Variants in RIMS1 observed in about 807,000 individuals in gnomAD.
RIMS1 encodes the protein regulating synaptic membrane exocytosis protein 1.
Under a neutral mutation model 214.1 loss-of-function variants are expected in RIMS1, and 83 were observed. The observed-to-expected ratio is 0.39, with a 90% CI of 0.32 to 0.47. The LOEUF (loss-of-function observed/expected upper bound fraction) is 0.47, where lower values mean the gene tolerates loss of function less well. Among genes scored for constraint, RIMS1 ranks in the 20% least tolerant of loss-of-function variants. The probability of loss-of-function intolerance (pLI) is 0.99; values close to 1 mark genes in which losing one functional copy is unlikely to be tolerated. For missense variants in RIMS1, 2,050 were observed against 2,161.8 expected, an observed-to-expected ratio of 0.95 and a Z score of 1.03; for synonymous variants, 793 against 786.8, an observed-to-expected ratio of 1.01 and a Z score of -0.13.
intron 27 of RIMS1, among the ~76,000 whole-genome samples, chr6:72,311,644 A>G (rs1261046148): frequency 6.6e-6 from 1 of 152,180 alleles, no homozygotes; most frequent in Non-Finnish European, 1.5e-5. Context: ...TATATCCTAT[A>G]TGTTGGGAAT....
chr6:72,300,076 C>T (rs999315756), intron 26 of RIMS1, among the ~76,000 whole-genome samples: 4 of 151,634 alleles, frequency 2.6e-5, no homozygotes, highest in African/African-American at 9.7e-5. Flanking sequence ...GTAATTTATC[C>T]ATCTCTTTTT....
chr6:72,122,626 G>A lies in RIMS1; in HGVS notation c.471+22640G>A, dbSNP rs993659483. 4.0e-5 allele frequency among the ~76,000 whole-genome samples: 6 copies of A among 151,672 alleles called. 1 individual carries two copies. Among genetic ancestry groups the A allele is most frequent in the Admixed American group, 2.6e-4 (4 of 15,194 alleles). ...GGTCCTGGACTTTTTTTGGTTTTTA[G>A]GGTATTAATTATTGCCTCAATTTCA... On this transcript the variant is annotated intron_variant, in intron 4 of 33. Transcript: ENST00000521978.
At chr6:72,254,108 C>T (rs2074715525) in intron 16 of RIMS1, among the ~76,000 whole-genome samples, 1 of 152,148 alleles carries the variant, frequency 6.6e-6, no homozygotes, top group Non-Finnish European at 1.5e-5. Flanking sequence ...TCATGATCCG[C>T]CCACCTCGGC....
At position 72,292,031 on chromosome 6, in the gene RIMS1, G is replaced by A. The variant is rs570683146; in HGVS notation, c.3835G>A (p.Gly1279Ser). The change falls in exon 26 of 34, where the codon GGC (glycine) becomes AGC (serine). Residue 1279 changes from glycine (G) to serine (S), a missense_variant. By Grantham distance (56) the Gly-to-Ser change is moderately conservative. Coordinates refer to ENST00000521978, the MANE Select transcript of RIMS1 (RefSeq NM_014989.7). ...GCTCCCACAAGTGCCAGTGAGAAGC[G>A]GCAGTATAGAACAAGGTATCCGATA... ...RQLPQVPVRS[G>S]SIEQASLVVE... 2.7e-5 allele frequency: 42 copies of A among 1,555,262 alleles called. No homozygotes were observed. Among genetic ancestry groups the A allele is most frequent in the Admixed American group, 2.5e-4 (13 of 51,414 alleles).
chr6:72,271,283 AAAAATATATATAT>A (rs202211872), intron 22 of RIMS1, among the ~76,000 whole-genome samples: 32,531 of 76,488 alleles, frequency 0.43, 4,289 homozygotes, highest in East Asian at 0.49. Flanking sequence ...AAAAAAAAAA[AAAAATATATATAT>A]ATATATATAT....
intron 2 of RIMS1, among the ~76,000 whole-genome samples, chr6:72,092,676 T>A (rs1305466895): frequency 6.6e-6 from 1 of 151,916 alleles, no homozygotes; most frequent in Non-Finnish European, 1.5e-5. Context: ...GAGTTTGGAG[T>A]GATGGCTGTG....
chr6:71,947,464 C>T (rs899712270), intron 1 of RIMS1, among the ~76,000 whole-genome samples: 7 of 151,866 alleles, frequency 4.6e-5, no homozygotes, highest in African/African-American at 1.2e-4. Context: ...AGACAAATAC[C>T]GCATGATTTC....
chr6:71,909,195 C>A (rs781327757), intron 1 of RIMS1, among the ~76,000 whole-genome samples: 1 of 152,202 alleles, frequency 6.6e-6, no homozygotes, highest in East Asian at 1.9e-4. Context: ...CGGGGTTTCA[C>A]CAGGTTGGCC....
At chr6:72,148,085 A>G (rs577957938) in intron 4 of RIMS1, among the ~76,000 whole-genome samples, 5 of 152,320 alleles carry the variant, frequency 3.3e-5, no homozygotes, top group African/African-American at 1.2e-4. Context: ...GTAATTTCTT[A>G]CCAGCTCATT....
chr6:72,040,447 T>A (rs1414305868), intron 2 of RIMS1, among the ~76,000 whole-genome samples: 3 of 152,038 alleles, frequency 2.0e-5, no homozygotes. Flanking sequence ...AATACTTTTA[T>A]TTTACAGATG....
intron 6 of RIMS1, among the ~76,000 whole-genome samples, chr6:72,184,295 G>C (rs1259693838): frequency 1.3e-5 from 2 of 152,158 alleles, no homozygotes; most frequent in African/African-American, 4.8e-5. Context: ...GATGTGTACC[G>C]CAGATTGAGG....
chr6:72,248,350 C>T (rs899570627), intron 12 of RIMS1, among the ~76,000 whole-genome samples: 1 of 152,090 alleles, frequency 6.6e-6, no homozygotes, highest in Non-Finnish European at 1.5e-5. Flanking sequence ...ATACTCTGAA[C>T]ATTAATTGAT....
intron 24 of RIMS1, among the ~76,000 whole-genome samples, chr6:72,287,927 A>C (rs1233430747): frequency 6.6e-6 from 1 of 152,214 alleles, no homozygotes; most frequent in Non-Finnish European, 1.5e-5. Context: ...TACATAATAG[A>C]GTAGGTATTT....
intron 6 of RIMS1, among the ~76,000 whole-genome samples, chr6:72,226,355 A>T (rs981545667): frequency 3.9e-5 from 6 of 152,074 alleles, no homozygotes; most frequent in Non-Finnish European, 4.4e-5. Context: ...GGAAGAATTA[A>T]TCTGATGACT....
At chr6:71,929,293 C>T (rs1157447702) in intron 1 of RIMS1, among the ~76,000 whole-genome samples, 1 of 152,088 alleles carries the variant, frequency 6.6e-6, no homozygotes, top group Non-Finnish European at 1.5e-5. Flanking sequence ...ATGACTAACA[C>T]TTTGGTAATT....
chr6:72,290,850 G>A lies in RIMS1; in HGVS notation c.3726G>A (p.Pro1242=), dbSNP rs201739376. The change falls in exon 25 of 34, where the codon CCG becomes CCA. Residue 1242 remains proline, a synonymous_variant. Transcript: ENST00000521978. ...CTGGAGGGTCGGCGCCACCTTCTCC[G>A]CTTCTGACAAGGTCGCTATTCAGTG... The part of the protein sequence containing the change: ...LVPGGSAPPS[P]LLTRMHRQRS... 7.3e-5 allele frequency: 118 copies of A among 1,612,108 alleles called. No homozygotes were observed. Among genetic ancestry groups the A allele is most frequent in the South Asian group, 1.1e-4 (10 of 90,988 alleles).
chr6:71,954,260 C>G (rs2151168238), intron 1 of RIMS1, among the ~76,000 whole-genome samples: 1 of 152,194 alleles, frequency 6.6e-6, no homozygotes, highest in Non-Finnish European at 1.5e-5. Context: ...AGGATTTTCC[C>G]AGCAATAAAT....
intron 29 of RIMS1, among the ~76,000 whole-genome samples, chr6:72,340,555 T>A (rs538899085): frequency 6.6e-6 from 1 of 152,150 alleles, no homozygotes; most frequent in African/African-American, 2.4e-5. Context: ...CTTTCCCCAT[T>A]TCTTGTTTTT....
chr6:72,032,498 CT>C (rs967424601), intron 2 of RIMS1, among the ~76,000 whole-genome samples: 9 of 152,078 alleles, frequency 5.9e-5, no homozygotes, highest in African/African-American at 2.2e-4. Context: ...CAGGATACCC[CT>C]GGCACATCAT....
Sources: gnomAD v4.1 joint callset for allele counts (sites outside exome capture counted in the v4.1 genomes callset) on GRCh38, gnomAD v4.1.1 for gene constraint, MANE v1.5 for transcripts, NCBI Gene and HGNC (gene_info 2026-07-23, HGNC 2026-07-21) for gene names.